The following TENM3 variants were observed in gnomAD, a reference collection of about 807,000 sequenced individuals.
TENM3 encodes the protein teneurin transmembrane protein 3, also known as teneurin-3.
Under a neutral mutation model 255.1 loss-of-function variants are expected in TENM3, and 63 were observed. The ratio of observed to expected loss-of-function variants is 0.25; its 90% confidence interval spans 0.20 to 0.30. The LOEUF (loss-of-function observed/expected upper bound fraction) is 0.30, where lower values mean the gene tolerates loss of function less well. TENM3 is among the 10% of genes least tolerant of loss of function. The pLI, the probability that TENM3 is intolerant of heterozygous loss-of-function variation, is 1.00. For missense variants in TENM3, 2,929 were observed against 3,461.1 expected, an observed-to-expected ratio of 0.85 and a Z score of 3.86; for synonymous variants, 1,306 against 1,322.3, an observed-to-expected ratio of 0.99 and a Z score of 0.27.
the TENM3 span, among the ~76,000 whole-genome samples, chr4:181,594,924 C>T: frequency 6.6e-6 from 1 of 152,204 alleles, no homozygotes; most frequent in African/African-American, 2.4e-5. Flanking sequence ...ATGTACATGG[C>T]AAAATTTGAT....
the TENM3 span, among the ~76,000 whole-genome samples, chr4:181,605,509 A>AG: frequency 4.3e-4 from 8 of 18,790 alleles, no homozygotes; most frequent in African/African-American, 9.5e-4. Flanking sequence ...AAAGAAAGAA[A>AG]GAAAGAAAGA....
chr4:182,093,220 G>C, the TENM3 span, among the ~76,000 whole-genome samples: 1 of 152,160 alleles, frequency 6.6e-6, no homozygotes, highest in Non-Finnish European at 1.5e-5. Flanking sequence ...TTAGAAAGGA[G>C]GATATTTGGG....
chr4:182,631,484 A>T (rs1378192686), intron 5 of TENM3: 1 of 152,188 alleles, frequency 6.6e-6, no homozygotes, highest in Non-Finnish European at 1.5e-5. Flanking sequence ...TTCGCATGGT[A>T]AATCTTTTTT....
the TENM3 span, among the ~76,000 whole-genome samples, chr4:181,687,099 T>G: frequency 1.3e-5 from 2 of 152,196 alleles, no homozygotes; most frequent in Non-Finnish European, 2.9e-5. Flanking sequence ...ATGTACCCTT[T>G]GATGCCAAAT....
At chr4:181,871,142 AC>A in the TENM3 span, among the ~76,000 whole-genome samples, 1 of 152,028 alleles carries the variant, frequency 6.6e-6, no homozygotes, top group Non-Finnish European at 1.5e-5. Context: ...TATCAATACC[AC>A]ACTAAGAACA....
the TENM3 span, among the ~76,000 whole-genome samples, chr4:182,096,565 G>A: frequency 6.6e-6 from 1 of 152,146 alleles, no homozygotes; most frequent in Non-Finnish European, 1.5e-5. Context: ...AGCAGCAATG[G>A]ATGCGAAAAC....
At chr4:182,402,799 G>T (rs1020025360) in intron 3 of TENM3, among the ~76,000 whole-genome samples, 11 of 152,256 alleles carry the variant, frequency 7.2e-5, no homozygotes, top group African/African-American at 2.4e-4. Context: ...TCAAATTTTT[G>T]TTAGCTATAT....
At chr4:182,417,277 C>G (rs1221163106) in intron 3 of TENM3, among the ~76,000 whole-genome samples, 1 of 151,920 alleles carries the variant, frequency 6.6e-6, no homozygotes, top group East Asian at 1.9e-4. Context: ...AGCCCGGCCT[C>G]CATTTTCAAT....
chr4:181,476,267 T>C, the TENM3 span, among the ~76,000 whole-genome samples: 3 of 150,302 alleles, frequency 2.0e-5, no homozygotes, highest in East Asian at 1.9e-4. Context: ...GAATATTAAA[T>C]TGAAATGCTA....
intron 3 of TENM3, among the ~76,000 whole-genome samples, chr4:182,566,412 G>T (rs577914277): frequency 1.2e-4 from 19 of 152,174 alleles, no homozygotes; most frequent in Non-Finnish European, 2.2e-4. Context: ...ATGGAATAAA[G>T]TCTTAACCTG....
chr4:181,463,171 T>A, the TENM3 span, among the ~76,000 whole-genome samples: 1 of 152,242 alleles, frequency 6.6e-6, no homozygotes, highest in Non-Finnish European at 1.5e-5. Flanking sequence ...GGCCCTTTTT[T>A]ATGCAATTTC....
At chr4:182,392,283 G>C (rs868834272) in intron 3 of TENM3, among the ~76,000 whole-genome samples, 2 of 152,120 alleles carry the variant, frequency 1.3e-5, no homozygotes, top group African/African-American at 4.8e-5. Flanking sequence ...TGGTATCACC[G>C]GGGAGAGGGA....
chr4:181,710,644 C>T, the TENM3 span, among the ~76,000 whole-genome samples: 2 of 152,004 alleles, frequency 1.3e-5, no homozygotes, highest in Non-Finnish European at 1.5e-5. Flanking sequence ...ATCGCTTGAA[C>T]CTGGGAAGCA....
chr4:181,979,930 C>T, the TENM3 span, among the ~76,000 whole-genome samples: 57 of 152,190 alleles, frequency 3.7e-4, no homozygotes, highest in South Asian at 1.0e-2. Context: ...GCCAAGGCTC[C>T]GTGAGGATGG....
Position 182,356,169 on chromosome 4 carries a change from A to G in TENM3, c.511+9240A>G, listed in dbSNP as rs147510757. 1.2e-4 allele frequency among the ~76,000 whole-genome samples: 19 copies of G among 152,204 alleles called. No individual in the cohort carries two copies. The East Asian group carries it at 3.7e-3, about 29-fold the overall frequency. On this transcript the variant is annotated intron_variant, in intron 3 of 27. Coordinates refer to ENST00000511685, the MANE Select transcript of TENM3 (RefSeq NM_001080477.4). ...CCAAAAGATTAATTGACAAAAGACA[A>G]CAAAAGAGACATACTGTGATCAGCA...
In TENM3 at chr4:182,775,104, G is replaced by T; in HGVS notation, c.5255G>T (p.Arg1752Leu). The T allele has an allele frequency of 6.2e-7, 1 of 1,613,998 alleles. No homozygotes were observed. Residue 1752 changes from arginine to leucine, a missense_variant, in exon 24 of 28, where the codon CGA (arginine) becomes CTA (leucine). Transcript: ENST00000511685. Reference sequence around the variant, plus strand: ...CAAAACTTGGTGGAATGGAGATTCCGAAAAGAGCAAGCCCAAGGGAAAGTC... The same window carrying T: ...CAAAACTTGGTGGAATGGAGATTCCTAAAAGAGCAAGCCCAAGGGAAAGTC... The part of the protein sequence containing the change: ...NGQNLVEWRF[R>L]KEQAQGKVNV...
chr4:181,880,547 T>C, the TENM3 span, among the ~76,000 whole-genome samples: 1 of 152,192 alleles, frequency 6.6e-6, no homozygotes, highest in Non-Finnish European at 1.5e-5. Context: ...TGACAACTTA[T>C]TGTATTCAAG....
chr4:182,463,180 T>C (rs1257835028), intron 3 of TENM3, among the ~76,000 whole-genome samples: 2 of 152,194 alleles, frequency 1.3e-5, no homozygotes, highest in African/African-American at 4.8e-5. Flanking sequence ...ATGAAAATTT[T>C]AATTTTTTTA....
chr4:181,585,355 C>T, the TENM3 span, among the ~76,000 whole-genome samples: 1 of 152,100 alleles, frequency 6.6e-6, no homozygotes, highest in African/African-American at 2.4e-5. Context: ...ATTTGTATAT[C>T]GCAGCCTGAA....
Sources: gnomAD v4.1 joint callset for allele counts (sites outside exome capture counted in the v4.1 genomes callset) on GRCh38, gnomAD v4.1.1 for gene constraint, MANE v1.5 for transcripts, NCBI Gene and HGNC (gene_info 2026-07-23, HGNC 2026-07-21) for gene names.